ARHGAP30: variants seen among roughly 807,000 people sequenced by gnomAD.
ARHGAP30 encodes the protein rho GTPase-activating protein 30.
A neutral mutation model predicts 72.0 loss-of-function variants in ARHGAP30; 23 were observed. That is an observed-to-expected ratio of 0.32 (90% CI 0.23 to 0.45). The LOEUF (loss-of-function observed/expected upper bound fraction) is 0.45, where lower values mean the gene tolerates loss of function less well. Ranked by LOEUF, ARHGAP30 falls within the 20% of genes least tolerant of loss-of-function variation. The pLI, the probability that ARHGAP30 is intolerant of heterozygous loss-of-function variation, is 1.00. For synonymous variants in ARHGAP30, 576 were observed against 528.2 expected (o/e 1.09, Z -1.24); for missense variants, 1,319 against 1,383.4 (o/e 0.95, Z 0.74).
chr1:161,058,860 CAAA>C (rs771979327), intron 2 of ARHGAP30, among the ~76,000 whole-genome samples: 2 of 114,760 alleles, frequency 1.7e-5, no homozygotes, highest in African/African-American at 3.6e-5. Context: ...GACTCTATCT[CAAA>C]AAAAAAAAAA....
intron 10 of ARHGAP30, among the ~76,000 whole-genome samples, chr1:161,051,005 A>G (rs1557918824): frequency 6.6e-6 from 1 of 152,182 alleles, no homozygotes; most frequent in Non-Finnish European, 1.5e-5. Context: ...ATTGTTACCC[A>G]TCCATCTATT....
At position 161,051,584 on chromosome 1, in the gene ARHGAP30, A is replaced by G. The variant is rs1340130638; in HGVS notation, c.1150T>C (p.Ser384Pro). 6.2e-7 allele frequency: 1 copy of G among 1,613,822 alleles called. No individual in the cohort carries two copies. The highest frequency in any genetic ancestry group is 1.7e-5 in the Admixed American group (1 of 60,026). The change falls in exon 10 of 12, where the codon TCT becomes CCT. Residue 384 changes from serine to proline, a missense_variant. Physicochemically the swap from Ser to Pro is moderately conservative, Grantham distance 74. Coordinates refer to ENST00000368013, the MANE Select transcript of ARHGAP30 (RefSeq NM_001025598.2). ...CCAGCTCGTGGTGTGCCTGGTTCAGAGTTTGTGCCACCCAGTGCTTCTGCC... is the reference window on the plus strand; with the variant it reads ...CCAGCTCGTGGTGTGCCTGGTTCAGGGTTTGTGCCACCCAGTGCTTCTGCC... ...PEAEALGGTN[S>P]EPGTPRAGRS...
At position 161,069,297 on chromosome 1, in the gene ARHGAP30, C is replaced by T. The variant is rs1019470620; in HGVS notation, c.97+231G>A. ...ACTGCTACCTGGGTACTCACATTCT[C>T]ATCCCCTCAGCCACCCCATCCCCAG... On this transcript the variant is annotated intron_variant, in intron 1 of 11. Transcript: ENST00000368013. The surrounding 1 kb of genome is among the most constrained non-coding windows in gnomAD (Gnocchi z 4.9). 2.0e-5 allele frequency among the ~76,000 whole-genome samples: 3 copies of T among 152,110 alleles called. No individual in the cohort carries two copies. Among genetic ancestry groups the T allele is most frequent in the Admixed American group, 6.5e-5 (1 of 15,274 alleles).
intron 9 of ARHGAP30, 96 bp from the exon 10 acceptor site, chr1:161,051,811 A>G (rs1651395961): frequency 2.1e-6 from 3 of 1,441,658 alleles, no homozygotes; most frequent in Non-Finnish European, 2.7e-6. Flanking sequence ...CTGCTTTCTC[A>G]GGCTTGAAAG....
intron 1 of ARHGAP30, among the ~76,000 whole-genome samples, chr1:161,062,127 C>G (rs1342082238): frequency 1.3e-5 from 2 of 151,968 alleles, no homozygotes; most frequent in Non-Finnish European, 2.9e-5. Flanking sequence ...GTATTGAAAC[C>G]CATCTCCACC....
In ARHGAP30 at chr1:161,051,700, A is replaced by C. The variant is rs201591076; in HGVS notation, c.1034T>G (p.Val345Gly). ...AGASDEPEGL[V>G]GPSSPRPSPL... ...GCTTGGCCGGGGGCTGCTGGGCCCC[A>C]CCAGCCCCTCTGGCTCTGTGGAGGA... is the stretch of plus-strand genomic sequence containing the variant. The change falls in exon 10 of 12, where the codon GTG (valine) becomes GGG (glycine). Residue 345 changes from valine to glycine, a missense_variant. Around this residue, in one of 2 missense-constraint regions of ARHGAP30, gnomAD observed 1,097 missense variants for 1,045.2 expected, o/e 1.05. Transcript: ENST00000368013. 7.4e-5 allele frequency: 119 copies of C among 1,608,368 alleles called. No homozygotes were observed. Among genetic ancestry groups the C allele is most frequent in the Middle Eastern group, 1.7e-4 (1 of 5,960 alleles).
chr1:161,050,715 G>A (rs1054782030), intron 10 of ARHGAP30, among the ~76,000 whole-genome samples: 7 of 151,324 alleles, frequency 4.6e-5, no homozygotes, highest in Middle Eastern at 3.4e-3. Context: ...ATCTCGGCTC[G>A]CTGCAGCCTC....
In ARHGAP30 at chr1:161,052,665, A is replaced by G; in HGVS notation, c.797T>C (p.Met266Thr). 6.2e-7 allele frequency: 1 copy of G among 1,613,898 alleles called. No homozygotes were observed. The highest frequency in any genetic ancestry group is 8.5e-7 in the Non-Finnish European group (1 of 1,179,954). ...ILQAGDGPPQ[M>T]RPYHTIIEIA... ...CTCGATGATAGTATGGTAGGGCCGC[A>G]TCTGTGGGGGTCCATCGCCAGCCTG... The change falls in exon 7 of 12, where the codon ATG becomes ACG. Residue 266 changes from methionine to threonine, a missense_variant. Transcript: ENST00000368013.
In ARHGAP30 at chr1:161,049,276, A is replaced by G; in HGVS notation, c.1745T>C (p.Phe582Ser). Reference protein sequence around the residue: ...LDDLSLDEAQFVLAPSCCSLD... With the variant: ...LDDLSLDEAQSVLAPSCCSLD... ...GGAACAGCAGCTGGGGGCCAAGACA[A>G]ACTGTGCCTCATCCAGAGACAGGTC... Residue 582 changes from phenylalanine to serine, a missense_variant, in exon 12 of 12, where the codon TTT (phenylalanine) becomes TCT (serine). By Grantham distance (155) the Phe-to-Ser change is radical (BLOSUM62 -2). Around this residue, in one of 2 missense-constraint regions of ARHGAP30, gnomAD observed 1,097 missense variants for 1,045.2 expected, o/e 1.05. Transcript: ENST00000368013. 1 of 1,614,036 alleles carries G rather than the reference A, an allele frequency of 6.2e-7. No individual in the cohort carries two copies. Among genetic ancestry groups the G allele is most frequent in the Non-Finnish European group, 8.5e-7 (1 of 1,179,996 alleles).
rs147935735 is a variant in ARHGAP30 at position 161,051,640 on chromosome 1, A to C, written c.1094T>G (p.Ile365Arg). ...CTCCTGTTCACCCTCTGCTGCCTCT[A>C]TAGAATCGTTCTCCAAGCTCTCAGG... ...LLPESLENDSIEAAEGEQEPE... is the reference protein window; with the variant it reads ...LLPESLENDSREAAEGEQEPE... Residue 365 changes from isoleucine (I) to arginine (R), a missense_variant, in exon 10 of 12, where the codon ATA becomes AGA. Physicochemically the swap from Ile to Arg is moderately conservative, Grantham distance 97 (BLOSUM62 -3). Around this residue, in one of 2 missense-constraint regions of ARHGAP30, gnomAD observed 1,097 missense variants for 1,045.2 expected, o/e 1.05. Coordinates refer to ENST00000368013, the MANE Select transcript of ARHGAP30 (RefSeq NM_001025598.2). 1 of 1,613,056 alleles carries C rather than the reference A, an allele frequency of 6.2e-7. No individual in the cohort carries two copies.
intron 6 of ARHGAP30, 85 bp from the exon 7 acceptor site, chr1:161,052,882 A>G: frequency 1.3e-6 from 2 of 1,496,798 alleles, no homozygotes; most frequent in Non-Finnish European, 1.8e-6. Context: ...CCCCTCGCCA[A>G]CTACCAGGTT....
intron 1 of ARHGAP30, among the ~76,000 whole-genome samples, chr1:161,060,636 T>G (rs1273348131): frequency 6.7e-6 from 1 of 149,192 alleles, no homozygotes; most frequent in Non-Finnish European, 1.5e-5. Flanking sequence ...AACTTGTCTG[T>G]AATTACTAGT....
In ARHGAP30 at chr1:161,048,239, G is replaced by A. The variant is rs1309236750; in HGVS notation, c.2782C>T (p.Leu928=). ...GGVGMRLAST[L]VQVQQVRSVP... ...GAGCGGACCTGTTGGACCTGAACCA[G>A]AGTGGAAGCTAGACGCATGCCCACG... Residue 928 remains leucine (L), a synonymous_variant, in exon 12 of 12, where the codon CTG becomes TTG. Transcript: ENST00000368013. 1.9e-6 allele frequency: 3 copies of A among 1,614,192 alleles called. No homozygotes were observed. The highest frequency in any genetic ancestry group is 4.5e-5 in the East Asian group (2 of 44,882).
intron 2 of ARHGAP30, among the ~76,000 whole-genome samples, chr1:161,057,762 C>T (rs924699773): frequency 3.3e-5 from 5 of 152,244 alleles, no homozygotes; most frequent in Admixed American, 3.3e-4. Context: ...TGCCTGTAAT[C>T]CCAACACGTT....
In ARHGAP30 at chr1:161,053,355, A is replaced by G. The variant is rs776488542; in HGVS notation, c.567T>C (p.Asn189=). 1.1e-5 allele frequency: 17 copies of G among 1,613,918 alleles called. No individual in the cohort carries two copies. In the South Asian group the frequency reaches 1.9e-4, roughly 18 times the overall value. The stretch of plus-strand genomic sequence containing the variant: ...GCACCTCCATGAAGGCCGCTGTCCC[A>G]TTGAAGCCTGAGGCCTCTATGTCCT... ...RSKDIEASGF[N]GTAAFMEVRV... Residue 189 remains asparagine, a synonymous_variant, in exon 6 of 12, where the codon AAT becomes AAC. Coordinates refer to ENST00000368013, the MANE Select transcript of ARHGAP30 (RefSeq NM_001025598.2).
At chr1:161,067,431 G>A (rs1285338887) in intron 1 of ARHGAP30, among the ~76,000 whole-genome samples, 1 of 152,088 alleles carries the variant, frequency 6.6e-6, no homozygotes, top group Non-Finnish European at 1.5e-5. Flanking sequence ...TTAGCTGGGT[G>A]TGGTGGTGCC....
At chr1:161,053,750 CAAG>C (rs2102041713) in intron 5 of ARHGAP30, among the ~76,000 whole-genome samples, 1 of 152,308 alleles carries the variant, frequency 6.6e-6, no homozygotes, top group South Asian at 2.1e-4. Flanking sequence ...CAACAGACTG[CAAG>C]ACGTTTTGCT....
rs537649484 is a variant in ARHGAP30, at chr1:161,065,046, T to C, written c.97+4482A>G. On this transcript the variant is annotated intron_variant, in intron 1 of 11. Coordinates refer to ENST00000368013, the MANE Select transcript of ARHGAP30 (RefSeq NM_001025598.2). ...TCTTGCACTTGATTATGTTTATTTA[T>C]TTATTTATTTTGAGTTGGGGTGCAT... Among the ~76,000 whole-genome samples, 57 of 152,266 alleles carry C rather than the reference T, an allele frequency of 3.7e-4. 2 individuals are homozygous for C. In the South Asian group the frequency reaches 6.6e-3, roughly 18 times the overall value.
At position 161,047,604 on chromosome 1, in the gene ARHGAP30, C is replaced by T; in HGVS notation, c.*111G>A. On this transcript the variant is annotated 3_prime_UTR_variant, in exon 12 of 12. Transcript: ENST00000368013. The stretch of plus-strand genomic sequence containing the variant: ...AAGAGAGAAGCTGGAGGGCCAAAGC[C>T]TATAGAGTTGGGCACTACAGCTGCT... The T allele has an allele frequency of 8.1e-7, 1 of 1,239,904 alleles. No individual in the cohort carries two copies. The highest frequency in any genetic ancestry group is 1.1e-6 in the Non-Finnish European group (1 of 919,658). The allele number at this position is 1,239,904 out of a possible 1,614,324, so 76.8% of individuals were successfully genotyped here. A position where few individuals can be genotyped will look rare whatever the true frequency, so the allele number is the denominator to read the frequency against.
Sources: gnomAD v4.1 joint callset for allele counts (sites outside exome capture counted in the v4.1 genomes callset) on GRCh38, gnomAD v4.1.1 for gene constraint, gnomAD v4.1.1 regional missense constraint, Gnocchi (gnomAD v3.1) non-coding constraint, MANE v1.5 for transcripts, NCBI Gene and HGNC (gene_info 2026-07-23, HGNC 2026-07-21) for gene names.